The following GLI2 variants were observed in gnomAD, a reference collection of about 807,000 sequenced individuals.
The protein encoded by GLI2 is GLI family zinc finger 2.
GLI2 carries 22 observed loss-of-function variants against 78.9 expected under a neutral mutation model. The ratio of observed to expected loss-of-function variants is 0.28; its 90% confidence interval spans 0.20 to 0.40. The LOEUF (loss-of-function observed/expected upper bound fraction) is 0.40, where lower values mean the gene tolerates loss of function less well. GLI2 is among the 10% of genes least tolerant of loss of function. GLI2 has a pLI of 1.00. For synonymous variants in GLI2, 974 were observed against 963.7 expected (o/e 1.01, Z -0.20); for missense variants, 2,097 against 2,213.2 (o/e 0.95, Z 1.05).
intron 2 of GLI2, among the ~76,000 whole-genome samples, chr2:120,806,138 A>C (rs1402585036): frequency 6.6e-6 from 1 of 152,164 alleles, no homozygotes; most frequent in South Asian, 2.1e-4. Flanking sequence ...TAATAGAACC[A>C]TTTATCATTA....
intron 2 of GLI2, among the ~76,000 whole-genome samples, chr2:120,801,820 T>G (rs1398741042): frequency 4.6e-5 from 7 of 152,312 alleles, no homozygotes; most frequent in African/African-American, 1.7e-4. Flanking sequence ...TGAGGCCCAT[T>G]TGGGCATGGG....
chr2:120,925,371 A>G (rs1370005412), intron 2 of GLI2, among the ~76,000 whole-genome samples: 1 of 152,240 alleles, frequency 6.6e-6, no homozygotes, highest in Non-Finnish European at 1.5e-5. Flanking sequence ...ATTTCAGGAG[A>G]AAAATTTCTT....
chr2:120,893,065 C>A (rs983173660), intron 2 of GLI2, among the ~76,000 whole-genome samples: 3 of 152,250 alleles, frequency 2.0e-5, no homozygotes, highest in Non-Finnish European at 4.4e-5. Context: ...GCTCCTGCCC[C>A]CAGCGTGCAT....
intron 2 of GLI2, among the ~76,000 whole-genome samples, chr2:120,820,304 T>C (rs1414334859): frequency 6.6e-6 from 1 of 152,224 alleles, no homozygotes; most frequent in African/African-American, 2.4e-5. Flanking sequence ...AACTCTCAGC[T>C]GTCGCCCTCG....
At chr2:120,766,152 TG>T (rs908272228) in intron 1 of GLI2, among the ~76,000 whole-genome samples, 4 of 152,206 alleles carry the variant, frequency 2.6e-5, no homozygotes, top group African/African-American at 9.7e-5. Context: ...TTATCCCTGC[TG>T]TTCTTCAGCA....
chr2:120,754,423 C>T (rs368922097), intron 1 of GLI2, among the ~76,000 whole-genome samples: 2 of 152,052 alleles, frequency 1.3e-5, no homozygotes, highest in African/African-American at 4.8e-5. Context: ...TCATGCCCCT[C>T]TGTAATCTGT....
rs1359992235 is a variant in GLI2 at position 120,819,257 on chromosome 2, T to TC, written c.148+21789_148+21790insC. Among the ~76,000 whole-genome samples, 929 of 150,270 alleles carry TC rather than the reference T, an allele frequency of 6.2e-3. 11 individuals are homozygous for TC. Among genetic ancestry groups the TC allele is most frequent in the African/African-American group, 0.021 (847 of 40,624 alleles). On this transcript the variant is annotated intron_variant, in intron 2 of 13. Transcript: ENST00000361492. ...AATAGAGATTTTTTTTTTTTTTTTT[T>TC]TTGAGATGGAGTCACTCTGTTGTCC... is the stretch of plus-strand genomic sequence containing the variant.
At chr2:120,951,696 A>G (rs1225623042) in intron 4 of GLI2, 2 of 462,580 alleles carry the variant, frequency 4.3e-6, no homozygotes, top group Non-Finnish European at 3.8e-6. Context: ...GTAAGGGTCT[A>G]TCCAGGTAGG....
chr2:120,797,077 A>C lies in GLI2; in HGVS notation c.-30-214A>C, dbSNP rs73952457. ...TGTAAAATCTGGGTAAAAGATGATG[A>C]GAATGGCCTGCAGTTGTCCGTGAGG... On this transcript the variant is annotated intron_variant, in intron 1 of 13. Coordinates refer to ENST00000361492, the MANE Select transcript of GLI2 (RefSeq NM_001374353.1). Among the ~76,000 whole-genome samples, 3,540 of 152,338 alleles carry C rather than the reference A, an allele frequency of 0.023. 135 individuals are homozygous for C. The highest frequency in any genetic ancestry group is 0.081 in the African/African-American group (3,358 of 41,558).
intron 2 of GLI2, among the ~76,000 whole-genome samples, chr2:120,879,225 C>T (rs988415988): frequency 9.9e-5 from 15 of 152,180 alleles, no homozygotes; most frequent in African/African-American, 2.7e-4. Flanking sequence ...TCGCCAGACA[C>T]TGTGCAGCCC....
At chr2:120,939,550 C>A (rs892602181) in intron 3 of GLI2, among the ~76,000 whole-genome samples, 9 of 152,198 alleles carry the variant, frequency 5.9e-5, no homozygotes, top group African/African-American at 2.2e-4. Context: ...GCTTTATATA[C>A]ATGGAATCAT....
At chr2:120,953,468 A>T (rs1352262348) in intron 4 of GLI2, among the ~76,000 whole-genome samples, 1 of 152,248 alleles carries the variant, frequency 6.6e-6, no homozygotes, top group East Asian at 1.9e-4. Context: ...TTGTTTTAAC[A>T]ACAGTTAACA....
intron 1 of GLI2, among the ~76,000 whole-genome samples, chr2:120,796,285 G>A (rs986412965): frequency 1.1e-4 from 16 of 151,982 alleles, no homozygotes; most frequent in African/African-American, 3.6e-4. Context: ...CCATGTCCAT[G>A]TTTCACCAGC....
At chr2:120,927,228 C>T (rs1664259101) in intron 2 of GLI2, 133 bp from the exon 3 acceptor site, 4 of 766,818 alleles carry the variant, frequency 5.2e-6, no homozygotes, top group South Asian at 1.4e-5. Context: ...TGTGTGATCG[C>T]GCGGGCACTG....
chr2:120,845,345 C>T (rs188733502), intron 2 of GLI2, among the ~76,000 whole-genome samples: 140 of 152,276 alleles, frequency 9.2e-4, no homozygotes, highest in Admixed American at 4.4e-3. Flanking sequence ...TTCATTAAGA[C>T]GATGACATGT....
chr2:120,876,597 G>A (rs1049357391), intron 2 of GLI2, among the ~76,000 whole-genome samples: 5 of 152,028 alleles, frequency 3.3e-5, no homozygotes, highest in Non-Finnish European at 1.5e-5. Context: ...GATGGCAGAA[G>A]GTGGAGGAGG....
intron 4 of GLI2, among the ~76,000 whole-genome samples, chr2:120,952,414 A>C (rs1403013036): frequency 6.6e-6 from 1 of 152,210 alleles, no homozygotes; most frequent in Non-Finnish European, 1.5e-5. Flanking sequence ...AGAGGAATGC[A>C]TCCTCTTCCA....
chr2:120,933,940 A>T (rs760909773), intron 3 of GLI2, among the ~76,000 whole-genome samples: 7 of 151,706 alleles, frequency 4.6e-5, no homozygotes, highest in Admixed American at 6.6e-5. Context: ...AGAAGGGCGT[A>T]CAGAAACTGC....
At chr2:120,952,851 G>A (rs1352385865) in intron 4 of GLI2, among the ~76,000 whole-genome samples, 2 of 152,190 alleles carry the variant, frequency 1.3e-5, no homozygotes, top group African/African-American at 2.4e-5. Flanking sequence ...ATAGGTGTGA[G>A]CCACCATGCC....
Sources: allele counts gnomAD v4.1 joint callset (sites outside exome capture counted in the v4.1 genomes callset), GRCh38; gene constraint gnomAD v4.1.1; transcripts MANE v1.5; gene names NCBI Gene and HGNC (gene_info 2026-07-23, HGNC 2026-07-21).